CELF2: variants seen among roughly 807,000 people sequenced by gnomAD.
CELF2 encodes CUG triplet repeat RNA-binding protein 2.
In CELF2, 8 loss-of-function variants were observed where a neutral mutation model predicts 62.6. The observed-to-expected ratio is 0.13, with a 90% CI of 0.07 to 0.23. CELF2 has a LOEUF of 0.23. CELF2 is among the 10% of genes least tolerant of loss of function. CELF2 has a pLI of 1.00. For synonymous variants in CELF2, 258 were observed against 250.0 expected, an observed-to-expected ratio of 1.03 and a Z score of -0.30; for missense variants, 333 against 671.0, an observed-to-expected ratio of 0.50 and a Z score of 5.56.
chr10:10,579,543 G>A, the CELF2 span, among the ~76,000 whole-genome samples: 6 of 152,064 alleles, frequency 3.9e-5, no homozygotes, highest in African/African-American at 1.4e-4. Flanking sequence ...ATTGGAGTTA[G>A]GATGTAGATA....
chr10:11,255,228 G>C lies in CELF2; in HGVS notation c.404-2510G>C, dbSNP rs2078334208. ...TTTTCCGTCAGCGTACAGGAGGTCA[G>C]GTCCTCAGCAGTCTCCCTCCCAGGA... On this transcript the variant is annotated intron_variant, in intron 4 of 12. Coordinates refer to ENST00000633077, the MANE Select transcript of CELF2 (RefSeq NM_001326342.2). The surrounding 1 kb of genome is among the most constrained non-coding windows in gnomAD (Gnocchi z 5.5). Among the ~76,000 whole-genome samples the C allele has an allele frequency of 6.6e-6, 1 of 152,240 alleles. No individual in the cohort carries two copies. The highest frequency in any genetic ancestry group is 1.5e-5 in the Non-Finnish European group (1 of 68,044).
chr10:11,116,580 C>G lies in CELF2; in HGVS notation c.75-48906C>G, dbSNP rs181331788. Among the ~76,000 whole-genome samples the G allele has an allele frequency of 1.9e-3, 290 of 152,310 alleles. 3 individuals carry two copies. The highest frequency in any genetic ancestry group is 3.6e-3 in the Non-Finnish European group (246 of 68,028). The stretch of plus-strand genomic sequence containing the variant: ...GGGTGTGCTGATAACTTGGCAAAAT[C>G]AGTTGGTGGTTTTCGAGCTGTGGAG... On this transcript the variant is annotated intron_variant, in intron 1 of 12. Coordinates refer to ENST00000633077, the MANE Select transcript of CELF2 (RefSeq NM_001326342.2).
chr10:11,101,562 A>G (rs2051648302), intron 1 of CELF2, among the ~76,000 whole-genome samples: 1 of 152,228 alleles, frequency 6.6e-6, no homozygotes, highest in Non-Finnish European at 1.5e-5. Context: ...GGGTAGTATC[A>G]TAAATGACTT....
At chr10:10,732,331 T>C in the CELF2 span, among the ~76,000 whole-genome samples, 3 of 152,160 alleles carry the variant, frequency 2.0e-5, no homozygotes, top group Non-Finnish European at 4.4e-5. Flanking sequence ...CAAAAGCTCA[T>C]TGCAGGTCCA....
intron 5 of CELF2, among the ~76,000 whole-genome samples, chr10:11,263,419 T>G (rs747835782): frequency 2.5e-4 from 38 of 152,124 alleles, no homozygotes; most frequent in Non-Finnish European, 5.3e-4. Flanking sequence ...GAAGTATGGC[T>G]TCATTATTTT....
Position 10,997,619 on chromosome 10 carries a change from C to A in CELF2, c.89+77620C>A, listed in dbSNP as rs528882871. Among the ~76,000 whole-genome samples, 1 of 152,188 alleles carries A rather than the reference C, an allele frequency of 6.6e-6. No individual in the cohort carries two copies. The highest frequency in any genetic ancestry group is 2.4e-5 in the African/African-American group (1 of 41,440). ...AGTTTCTCTGACCTGGCACTTTGAG[C>A]AGGAAGAAAGGGAGTTGCTTGTGCC... On this transcript the variant is annotated intron_variant, in intron 2 of 13. Coordinates refer to the CELF2 transcript ENST00000636488. The surrounding 1 kb of genome is among the most constrained non-coding windows in gnomAD (Gnocchi z 5.3).
At chr10:11,068,842 G>A (rs1259414870) in intron 1 of CELF2, among the ~76,000 whole-genome samples, 2 of 152,176 alleles carry the variant, frequency 1.3e-5, no homozygotes, top group East Asian at 1.9e-4. Flanking sequence ...TTACAGGCGT[G>A]AGCCACCGCA....
the CELF2 span, among the ~76,000 whole-genome samples, chr10:10,673,451 C>A: frequency 1.3e-5 from 2 of 151,948 alleles, no homozygotes; most frequent in Admixed American, 1.3e-4. Context: ...CTCACTAGGG[C>A]CTTACCAATT....
At chr10:10,817,644 A>G (rs2056590835) in intron 1 of CELF2, among the ~76,000 whole-genome samples, 1 of 152,128 alleles carries the variant, frequency 6.6e-6, no homozygotes, top group South Asian at 2.1e-4. Flanking sequence ...GTTGTTGCAA[A>G]CGACTCGATC....
At chr10:10,752,869 A>G in the CELF2 span, among the ~76,000 whole-genome samples, 1 of 151,818 alleles carries the variant, frequency 6.6e-6, no homozygotes, top group African/African-American at 2.4e-5. Context: ...GAGTCTCAGA[A>G]TTATTCTGTT....
At chr10:11,081,926 A>G (rs1045306726) in intron 1 of CELF2, among the ~76,000 whole-genome samples, 3 of 152,232 alleles carry the variant, frequency 2.0e-5, no homozygotes, top group Non-Finnish European at 4.4e-5. Context: ...CTCATGGAGA[A>G]TCAAATAAAA....
the CELF2 span, among the ~76,000 whole-genome samples, chr10:10,503,412 T>C: frequency 6.6e-6 from 1 of 151,978 alleles, no homozygotes; most frequent in Non-Finnish European, 1.5e-5. Context: ...CTGTGCTTGA[T>C]GTATACACAC....
Position 10,972,259 on chromosome 10 carries a change from T to C in CELF2, c.89+52260T>C, listed in dbSNP as rs543737196. On this transcript the variant is annotated intron_variant, in intron 2 of 13. Transcript: ENST00000636488. This position sits in a 1 kb window ranked among gnomAD's most constrained non-coding sequence, Gnocchi z 4.4. ...TTTTGAAGGATATGAATAGGTTTTA[T>C]AGAAAATGAAGAGTTCTGTGGTTAA... Among the ~76,000 whole-genome samples, 14 of 152,338 alleles carry C rather than the reference T, an allele frequency of 9.2e-5. No homozygotes were observed. The highest frequency in any genetic ancestry group is 2.6e-4 in the African/African-American group (11 of 41,566).
intron 2 of CELF2, among the ~76,000 whole-genome samples, chr10:10,935,800 C>T (rs999570429): frequency 2.6e-5 from 4 of 152,120 alleles, no homozygotes; most frequent in African/African-American, 7.2e-5. Flanking sequence ...CTCTTCCACT[C>T]TCTCATAGAT....
the CELF2 span, among the ~76,000 whole-genome samples, chr10:10,666,840 C>A: frequency 1.6e-5 from 1 of 62,560 alleles, no homozygotes; most frequent in South Asian, 1.1e-3. Context: ...CCAGCCTGGG[C>A]GACAGAGCGA....
chr10:10,828,486 G>A (rs895251014), intron 1 of CELF2, among the ~76,000 whole-genome samples: 3 of 152,114 alleles, frequency 2.0e-5, no homozygotes, highest in African/African-American at 7.2e-5. Flanking sequence ...ACAGAAAGTC[G>A]AGTGGTGGCG....
rs2046641819 is a variant in CELF2, at chr10:10,938,275, A to T, written c.89+18276A>T. Among the ~76,000 whole-genome samples the T allele has an allele frequency of 6.6e-6, 1 of 152,236 alleles. No homozygotes were observed. Among genetic ancestry groups the T allele is most frequent in the East Asian group, 1.9e-4 (1 of 5,204 alleles). ...GATTCAAGGTATTATATTATTTTGC[A>T]GTATAGGAAATGTTATTTAGATTTA... On this transcript the variant is annotated intron_variant, in intron 2 of 13. Coordinates refer to the CELF2 transcript ENST00000636488. This position sits in a 1 kb window ranked among gnomAD's most constrained non-coding sequence, Gnocchi z 4.2.
the CELF2 span, among the ~76,000 whole-genome samples, chr10:10,785,937 C>T: frequency 6.6e-6 from 1 of 152,082 alleles, no homozygotes; most frequent in Non-Finnish European, 1.5e-5. Flanking sequence ...TGCTAATGGG[C>T]TTGATTTAGC....
At chr10:11,203,925 A>G (rs527950871) in intron 2 of CELF2, among the ~76,000 whole-genome samples, 2 of 152,306 alleles carry the variant, frequency 1.3e-5, no homozygotes, top group Admixed American at 1.3e-4. Flanking sequence ...CTTCTGAGGC[A>G]TTTTTATTTT....
Sources: gnomAD v4.1 joint callset for allele counts (sites outside exome capture counted in the v4.1 genomes callset) on GRCh38, gnomAD v4.1.1 for gene constraint, Gnocchi (gnomAD v3.1) non-coding constraint, MANE v1.5 for transcripts, NCBI Gene and HGNC (gene_info 2026-07-23, HGNC 2026-07-21) for gene names.